TDP2: variants seen among roughly 807,000 people sequenced by gnomAD.
The protein encoded by TDP2 is tyrosyl-DNA phosphodiesterase 2.
Under a neutral mutation model 42.8 loss-of-function variants are expected in TDP2, and 38 were observed. That is an observed-to-expected ratio of 0.89 (90% CI 0.68 to 1.16). The LOEUF (loss-of-function observed/expected upper bound fraction) is 1.16. Among genes scored for constraint, TDP2 ranks in the 50% most tolerant of loss-of-function variants. TDP2 has a pLI of 0.00. For synonymous variants in TDP2, 173 were observed against 150.6 expected (o/e 1.15, Z -1.09); for missense variants, 439 against 439.3 (o/e 1.00, Z 0.01).
chr6:24,666,505 C>G (rs200448649), intron 2 of TDP2, 21 bp downstream of exon 2: 63 of 1,611,436 alleles, frequency 3.9e-5, no homozygotes, highest in Non-Finnish European at 5.0e-5. Context: ...CGGACTGGCT[C>G]CCGCTCCCCT....
At chr6:24,666,494 G>C (rs768913204) in intron 2 of TDP2, 32 bp downstream of exon 2, 2 of 1,606,168 alleles carry the variant, frequency 1.2e-6, no homozygotes, top group Admixed American at 1.7e-5. Flanking sequence ...CTGCCTCCGT[G>C]CGGACTGGCT....
intron 2 of TDP2, among the ~76,000 whole-genome samples, chr6:24,660,131 T>A (rs1304277431): frequency 2.0e-5 from 3 of 152,246 alleles, no homozygotes; most frequent in African/African-American, 7.2e-5. Context: ...CTATACACCA[T>A]TCACCCAGGT....
intron 2 of TDP2, among the ~76,000 whole-genome samples, chr6:24,660,010 A>G (rs1778116287): frequency 6.6e-6 from 1 of 152,208 alleles, no homozygotes; most frequent in East Asian, 1.9e-4. Flanking sequence ...ATATGAGTGG[A>G]GGGACAAACT....
chr6:24,666,320 C>T lies in TDP2; in HGVS notation c.251+206G>A, dbSNP rs1030769491. 2.6e-5 allele frequency: 40 copies of T among 1,520,334 alleles called. No individual in the cohort carries two copies. In the African/African-American group the frequency reaches 5.1e-4, roughly 19 times the overall value. 94.2% of individuals were successfully genotyped at this position (1,520,334 alleles called of 1,614,324 possible). On this transcript the variant is annotated intron_variant, in intron 2 of 6. Transcript: ENST00000378198. ...CCTGGACCCCAAATCACGTTCGAAGCGACAGTCTGGTGCAGTGTTAGATCC... is the reference window on the plus strand; with the variant it reads ...CCTGGACCCCAAATCACGTTCGAAGTGACAGTCTGGTGCAGTGTTAGATCC...
chr6:24,659,592 T>C (rs1778108792), intron 2 of TDP2, among the ~76,000 whole-genome samples: 1 of 152,230 alleles, frequency 6.6e-6, no homozygotes, highest in Non-Finnish European at 1.5e-5. Flanking sequence ...AGAATAATTG[T>C]ATAAACTATG....
intron 2 of TDP2, among the ~76,000 whole-genome samples, chr6:24,660,037 T>C (rs575233998): frequency 6.6e-6 from 1 of 152,326 alleles, no homozygotes; most frequent in African/African-American, 2.4e-5. Flanking sequence ...AAAGGTTAAC[T>C]CCTAAGCATT....
chr6:24,666,355 G>A (rs1206943397), intron 2 of TDP2, 171 bp downstream of exon 2: 4 of 1,437,864 alleles, frequency 2.8e-6, no homozygotes, highest in Non-Finnish European at 3.8e-6. Context: ...CGCTGCTGGG[G>A]CGCAACTCCG....
chr6:24,650,589 C>T lies in TDP2; in HGVS notation c.*199G>A, dbSNP rs1777955940. 1 of 600,306 alleles carries T rather than the reference C, an allele frequency of 1.7e-6. No homozygotes were observed. The highest frequency in any genetic ancestry group is 2.8e-6 in the Non-Finnish European group (1 of 351,962). 37.2% of individuals were successfully genotyped at this position (600,306 alleles called of 1,614,324 possible). On this transcript the variant is annotated 3_prime_UTR_variant, in exon 7 of 7. Transcript: ENST00000378198. ...GTGCCCTTTTTATTAAATGGCCTCACATCCTGAATGCAGGAATGTGTTCGT... is the reference window on the plus strand; with the variant it reads ...GTGCCCTTTTTATTAAATGGCCTCATATCCTGAATGCAGGAATGTGTTCGT...
At chr6:24,666,484 C>T (rs1778239266) in intron 2 of TDP2, 42 bp downstream of exon 2, 1 of 1,597,496 alleles carries the variant, frequency 6.3e-7, no homozygotes, top group South Asian at 1.1e-5. Context: ...TGGTATCAAA[C>T]TGCCTCCGTG....
chr6:24,666,492 G>T lies in TDP2; in HGVS notation c.251+34C>A, dbSNP rs907957625. On this transcript the variant is annotated intron_variant, in intron 2 of 6. Coordinates refer to ENST00000378198, the MANE Select transcript of TDP2 (RefSeq NM_016614.3). ...GGCTACCTGGTATCAAACTGCCTCCGTGCGGACTGGCTCCCGCTCCCCTCA... is the reference window on the plus strand; with the variant it reads ...GGCTACCTGGTATCAAACTGCCTCCTTGCGGACTGGCTCCCGCTCCCCTCA... The T allele has an allele frequency of 1.1e-5, 18 of 1,604,312 alleles. No individual in the cohort carries two copies. In the African/African-American group the frequency reaches 2.4e-4, roughly 21 times the overall value.
Position 24,658,745 on chromosome 6 carries a change from CA to C in TDP2, c.252-12del. On this transcript the variant is annotated splice_polypyrimidine_tract_variant and intron_variant, in intron 2 of 6. Transcript: ENST00000378198. ...TTGGTTAGGTCAACACTGGCAAGAT[CA>C]GAATAAAACATGGCTTTGCAAATAA... 2 of 1,600,166 alleles carry C rather than the reference CA, an allele frequency of 1.2e-6. No individual in the cohort carries two copies. The highest frequency in any genetic ancestry group is 1.7e-6 in the Non-Finnish European group (2 of 1,173,912).
intron 4 of TDP2, among the ~76,000 whole-genome samples, chr6:24,655,470 G>C (rs1269401496): frequency 6.6e-6 from 1 of 152,168 alleles, no homozygotes; most frequent in Admixed American, 6.5e-5. Flanking sequence ...AAAAGGTAAG[G>C]TGCTGAGCTA....
At chr6:24,660,077 G>T (rs560768993) in intron 2 of TDP2, among the ~76,000 whole-genome samples, 2 of 152,286 alleles carry the variant, frequency 1.3e-5, no homozygotes, top group South Asian at 4.1e-4. Context: ...TTAAAAATAG[G>T]TGTCTGAATT....
intron 2 of TDP2, chr6:24,666,303 C>G (rs1189323946): frequency 6.5e-7 from 1 of 1,528,982 alleles, no homozygotes; most frequent in Non-Finnish European, 8.8e-7. Flanking sequence ...TCCCTGGACC[C>G]CAAATCACGT....
intron 2 of TDP2, 30 bp from the exon 3 acceptor site, chr6:24,658,764 G>C: frequency 1.3e-6 from 2 of 1,576,780 alleles, no homozygotes; most frequent in East Asian, 4.5e-5. Flanking sequence ...ACATGGCTTT[G>C]CAAATAATCT....
In TDP2 at chr6:24,650,945, C is replaced by T; in HGVS notation, c.932G>A (p.Cys311Tyr). 1 of 1,614,132 alleles carries T rather than the reference C, an allele frequency of 6.2e-7. No homozygotes were observed. Among genetic ancestry groups the T allele is most frequent in the Non-Finnish European group, 8.5e-7 (1 of 1,180,022 alleles). ...AAATATTCGATCAAAACGAAGTTTA[C>T]AAGCAGCAGTTATTCCAAGATTAGA... ...MNSNLGITAA[C>Y]KLRFDRIFFR... is the part of the protein sequence containing the mutation. Residue 311 changes from cysteine to tyrosine, a missense_variant, in exon 7 of 7, where the codon TGT (cysteine) becomes TAT (tyrosine). Physicochemically the swap from Cys to Tyr is radical, Grantham distance 194. Transcript: ENST00000378198.
chr6:24,664,382 T>G (rs1304171567), intron 2 of TDP2, among the ~76,000 whole-genome samples: 1 of 149,956 alleles, frequency 6.7e-6, no homozygotes, highest in Admixed American at 6.6e-5. Flanking sequence ...TCAAGACTAA[T>G]GAAATTAGAA....
At chr6:24,651,091 T>C in intron 6 of TDP2, 22 bp from the exon 7 acceptor site, 1 of 1,567,080 alleles carries the variant, frequency 6.4e-7, no homozygotes, top group Non-Finnish European at 8.7e-7. Context: ...AAGAATACTC[T>C]CTAAGATACA....
rs2127619552 is a variant in TDP2 at position 24,666,790 on chromosome 6, G to A, written c.73C>T (p.Arg25Trp). 2 of 1,614,248 alleles carry A rather than the reference G, an allele frequency of 1.2e-6. No homozygotes were observed. The highest frequency in any genetic ancestry group is 1.7e-6 in the Non-Finnish European group (2 of 1,180,058). Reference sequence around the variant, plus strand: ...GCAAACTCCACACACAGAAGTCGCCGCTTTTTCACCTCAGGCTCGCCCTCT... The same window carrying A: ...GCAAACTCCACACACAGAAGTCGCCACTTTTTCACCTCAGGCTCGCCCTCT... ...EEEGEPEVKK[R>W]RLLCVEFASV... Residue 25 changes from arginine (R) to tryptophan (W), a missense_variant, in exon 1 of 7, where the codon CGG becomes TGG. Arg to Trp is a moderately radical substitution (Grantham distance 101, BLOSUM62 -3). Coordinates refer to ENST00000378198, the MANE Select transcript of TDP2 (RefSeq NM_016614.3).
Sources: gnomAD v4.1 joint callset for allele counts (sites outside exome capture counted in the v4.1 genomes callset) on GRCh38, gnomAD v4.1.1 for gene constraint, MANE v1.5 for transcripts, NCBI Gene and HGNC (gene_info 2026-07-23, HGNC 2026-07-21) for gene names.